The following TBCK variants were observed in gnomAD, a reference collection of about 807,000 sequenced individuals.
The protein encoded by TBCK is TBC1 domain containing kinase, also known as TBC domain-containing protein kinase-like protein.
TBCK carries 99 observed loss-of-function variants against 113.4 expected under a neutral mutation model. The observed-to-expected ratio is 0.87, with a 90% CI of 0.74 to 1.03. The LOEUF is 1.03. Ranked by LOEUF, TBCK falls within the 50% of genes least tolerant of loss-of-function variation. The probability of loss-of-function intolerance (pLI) is 0.00; values close to 1 mark genes in which losing one functional copy is unlikely to be tolerated. For synonymous variants in TBCK, 369 were observed against 370.8 expected, an observed-to-expected ratio of 1.00 and a Z score of 0.05; for missense variants, 1,045 against 1,061.3, an observed-to-expected ratio of 0.98 and a Z score of 0.21.
chr4:106,136,384 A>G (rs1315234126), intron 23 of TBCK, among the ~76,000 whole-genome samples: 2 of 141,190 alleles, frequency 1.4e-5, no homozygotes, highest in Admixed American at 7.0e-5. Context: ...ATACAGGAGG[A>G]GTAGTTCATT....
At chr4:106,296,936 A>G (rs139463456) in intron 2 of TBCK, among the ~76,000 whole-genome samples, 33 of 152,340 alleles carry the variant, frequency 2.2e-4, no homozygotes, top group Non-Finnish European at 4.4e-4. Flanking sequence ...GCAATTTAGT[A>G]CAACAGTGAA....
At chr4:106,061,877 A>G (rs916182980) in intron 25 of TBCK, among the ~76,000 whole-genome samples, 3 of 151,750 alleles carry the variant, frequency 2.0e-5, no homozygotes, top group African/African-American at 7.3e-5. Context: ...TATGGTGTTC[A>G]TGGTGAACTC....
intron 2 of TBCK, among the ~76,000 whole-genome samples, chr4:106,297,981 G>T (rs954536310): frequency 6.6e-6 from 1 of 152,138 alleles, no homozygotes; most frequent in African/African-American, 2.4e-5. Flanking sequence ...CTGATTGTTA[G>T]CTTTTATTAT....
intron 19 of TBCK, among the ~76,000 whole-genome samples, chr4:106,214,476 A>G (rs1235497429): frequency 1.3e-5 from 2 of 150,624 alleles, no homozygotes; most frequent in Admixed American, 6.6e-5. Flanking sequence ...AAAAAAATTT[A>G]GAAGAATGTA....
chr4:106,267,853 AG>A (rs2150120226), intron 3 of TBCK, among the ~76,000 whole-genome samples: 1 of 152,148 alleles, frequency 6.6e-6, no homozygotes, highest in South Asian at 2.1e-4. Flanking sequence ...AATCATCTCT[AG>A]TTGTTGGTTA....
chr4:106,217,381 G>A (rs897037126), intron 19 of TBCK, among the ~76,000 whole-genome samples: 4 of 152,144 alleles, frequency 2.6e-5, no homozygotes, highest in African/African-American at 9.7e-5. Flanking sequence ...AATTAGGCAG[G>A]AGAAGGAAAT....
Position 106,095,665 on chromosome 4 carries a change from A to G in TBCK, c.2412-24T>C, listed in dbSNP as rs559528967. On this transcript the variant is annotated intron_variant, in intron 24 of 25. Coordinates refer to ENST00000394708, the MANE Select transcript of TBCK (RefSeq NM_001163435.3). ...AGCTGAGAAGGAAAGTTTAAGGAAA[A>G]CATTTATTTGTGTGCAATCCTGAGT... The G allele has an allele frequency of 2.1e-4, 331 of 1,608,542 alleles. 1 individual carries two copies. The South Asian group carries it at 3.5e-3, about 17-fold the overall frequency.
chr4:106,217,815 T>A (rs903641272), intron 19 of TBCK, among the ~76,000 whole-genome samples: 2 of 150,052 alleles, frequency 1.3e-5, no homozygotes, highest in African/African-American at 4.8e-5. Flanking sequence ...ATAGATTCAA[T>A]GCTATCCCCA....
intron 23 of TBCK, among the ~76,000 whole-genome samples, chr4:106,165,697 T>C (rs1217347905): frequency 6.6e-6 from 1 of 151,760 alleles, no homozygotes; most frequent in Non-Finnish European, 1.5e-5. Context: ...TATTATGTAC[T>C]AGACACTGAA....
At chr4:106,147,195 A>C (rs1368141575) in intron 23 of TBCK, among the ~76,000 whole-genome samples, 2 of 152,044 alleles carry the variant, frequency 1.3e-5, no homozygotes, top group Non-Finnish European at 2.9e-5. Flanking sequence ...TCTTACAAAC[A>C]CCTTTTCATA....
intron 10 of TBCK, among the ~76,000 whole-genome samples, chr4:106,246,003 T>A (rs752159229): frequency 6.6e-5 from 10 of 152,212 alleles, no homozygotes; most frequent in Non-Finnish European, 1.3e-4. Context: ...AATTTTACAC[T>A]CTATATTGGA....
intron 3 of TBCK, among the ~76,000 whole-genome samples, chr4:106,291,835 G>A (rs1399980808): frequency 6.6e-6 from 1 of 152,202 alleles, no homozygotes; most frequent in Non-Finnish European, 1.5e-5. Context: ...TAGACAAACT[G>A]ATGAAATAAC....
At chr4:106,234,971 C>T (rs1759285958) in intron 15 of TBCK, among the ~76,000 whole-genome samples, 1 of 152,058 alleles carries the variant, frequency 6.6e-6, no homozygotes, top group Non-Finnish European at 1.5e-5. Context: ...ATAAGCAGGA[C>T]TACCCATTTA....
intron 24 of TBCK, among the ~76,000 whole-genome samples, chr4:106,114,449 C>T (rs56260521): frequency 0.13 from 19,692 of 152,192 alleles, 1,609 homozygotes; most frequent in South Asian, 0.24. Context: ...ATGTTAATTA[C>T]GCAAAAGTGT....
chr4:106,235,564 C>G (rs1170323091), intron 14 of TBCK, among the ~76,000 whole-genome samples, 197 bp from the exon 15 acceptor site: 2 of 151,924 alleles, frequency 1.3e-5, no homozygotes, highest in Admixed American at 1.3e-4. Context: ...CCTTGAAAAA[C>G]TCGTATTATA....
At chr4:106,200,541 GAAAT>G (rs903990655) in intron 20 of TBCK, among the ~76,000 whole-genome samples, 5 of 151,894 alleles carry the variant, frequency 3.3e-5, no homozygotes, top group South Asian at 4.2e-4. Context: ...CCCTGTCTCA[GAAAT>G]AAATAATGAA....
intron 24 of TBCK, among the ~76,000 whole-genome samples, chr4:106,097,609 T>C (rs937732329): frequency 6.6e-6 from 1 of 152,168 alleles, no homozygotes; most frequent in Non-Finnish European, 1.5e-5. Context: ...ACTTTGGTTA[T>C]TTAGAAATCT....
chr4:106,215,780 C>T (rs550744793), intron 19 of TBCK, among the ~76,000 whole-genome samples: 3 of 151,236 alleles, frequency 2.0e-5, no homozygotes, highest in East Asian at 3.9e-4. Context: ...GACTTTAACA[C>T]CCCACTGTCA....
chr4:106,088,150 A>T (rs1739733655), intron 25 of TBCK, among the ~76,000 whole-genome samples: 1 of 152,262 alleles, frequency 6.6e-6, no homozygotes, highest in African/African-American at 2.4e-5. Flanking sequence ...ATAAACTGTC[A>T]TCAGAGTGAA....
Sources: allele counts gnomAD v4.1 joint callset (sites outside exome capture counted in the v4.1 genomes callset), GRCh38; gene constraint gnomAD v4.1.1; transcripts MANE v1.5; gene names NCBI Gene and HGNC (gene_info 2026-07-23, HGNC 2026-07-21).